PPP2R5C: variants seen among roughly 807,000 people sequenced by gnomAD.
PPP2R5C encodes the protein protein phosphatase 2 regulatory subunit B'gamma, also known as serine/threonine-protein phosphatase 2A 56 kDa regulatory subunit gamma isoform.
Under a neutral mutation model 68.9 loss-of-function variants are expected in PPP2R5C, and 7 were observed. The ratio of observed to expected loss-of-function variants is 0.10; its 90% CI spans 0.06 to 0.19. The LOEUF is 0.19. PPP2R5C is among the 10% of genes least tolerant of loss of function. PPP2R5C has a pLI of 1.00. For missense variants in PPP2R5C, 348 were observed against 641.3 expected, an observed-to-expected ratio of 0.54 and a Z score of 4.94; for synonymous variants, 210 against 222.2, an observed-to-expected ratio of 0.95 and a Z score of 0.49.
chr14:101,876,742 A>C (rs2043806315), intron 2 of PPP2R5C, among the ~76,000 whole-genome samples: 1 of 152,208 alleles, frequency 6.6e-6, no homozygotes, highest in Non-Finnish European at 1.5e-5. Flanking sequence ...GGCCGTGTGA[A>C]TCACATGCAG....
intron 2 of PPP2R5C, 114 bp downstream of exon 2, chr14:101,763,084 T>A (rs1396458666): frequency 2.2e-6 from 2 of 905,160 alleles, no homozygotes; most frequent in Middle Eastern, 2.2e-4. Context: ...ATGTGAGGTT[T>A]TTTTTTTGTG....
At chr14:101,766,150 C>G (rs1310643794) in intron 2 of PPP2R5C, 2 of 152,208 alleles carry the variant, frequency 1.3e-5, no homozygotes. Context: ...TCCTGCCTGT[C>G]TAGTCTTCAG....
At chr14:101,813,008 C>T (rs540073421) in intron 1 of PPP2R5C, among the ~76,000 whole-genome samples, 1 of 152,168 alleles carries the variant, frequency 6.6e-6, no homozygotes, top group Non-Finnish European at 1.5e-5. Context: ...AGGAGAGTCA[C>T]CTGGAACTTG....
intron 2 of PPP2R5C, among the ~76,000 whole-genome samples, chr14:101,858,861 G>A (rs143000206): frequency 2.6e-5 from 4 of 152,254 alleles, no homozygotes; most frequent in African/African-American, 4.8e-5. Context: ...GTGTGCTCCC[G>A]ACTGCTTGAA....
At chr14:101,898,606 G>A (rs570917569) in intron 8 of PPP2R5C, among the ~76,000 whole-genome samples, 12 of 152,244 alleles carry the variant, frequency 7.9e-5, no homozygotes, top group East Asian at 1.9e-4. Flanking sequence ...GGGTCCTTCC[G>A]GCGTAAATGT....
intron 2 of PPP2R5C, among the ~76,000 whole-genome samples, chr14:101,775,039 C>T (rs538926194): frequency 9.1e-4 from 139 of 152,298 alleles, no homozygotes; most frequent in East Asian, 4.2e-3. Flanking sequence ...GCTTCCCAGC[C>T]GCGGCCTACT....
Position 101,920,369 on chromosome 14 carries a change from G to A in PPP2R5C, c.1443+2422G>A, listed in dbSNP as rs116165409. Reference sequence around the variant, plus strand: ...AGGAACCAGTCCTATGGCCATCCACGTGTCTACTTGTAAATACACACACAG... The same window carrying A: ...AGGAACCAGTCCTATGGCCATCCACATGTCTACTTGTAAATACACACACAG... On this transcript the variant is annotated intron_variant, in intron 13 of 13. Transcript: ENST00000334743. 2.1e-3 allele frequency among the ~76,000 whole-genome samples: 314 copies of A among 152,316 alleles called. 1 individual carries two copies. Among genetic ancestry groups the A allele is most frequent in the African/African-American group, 7.3e-3 (304 of 41,560 alleles).
chr14:101,874,586 AT>A (rs1706500312), intron 2 of PPP2R5C, among the ~76,000 whole-genome samples: 1 of 152,248 alleles, frequency 6.6e-6, no homozygotes, highest in Admixed American at 6.5e-5. Context: ...AACTCAAAAA[AT>A]ATAAACTCAT....
intron 2 of PPP2R5C, among the ~76,000 whole-genome samples, chr14:101,768,020 T>G (rs74908467): frequency 0.015 from 2,216 of 152,312 alleles, 145 homozygotes; most frequent in Admixed American, 0.12. Flanking sequence ...AACACTTGAC[T>G]GTGGGGCAAG....
chr14:101,894,468 T>G (rs1180185941), intron 7 of PPP2R5C, 39 bp from the exon 10 acceptor site: 1 of 1,592,398 alleles, frequency 6.3e-7, no homozygotes. Context: ...AGCATTTTTA[T>G]GTTGAAATGT....
At chr14:101,850,577 T>G (rs1258638495) in intron 1 of PPP2R5C, among the ~76,000 whole-genome samples, 1 of 152,082 alleles carries the variant, frequency 6.6e-6, no homozygotes, top group African/African-American at 2.4e-5. Context: ...ATGGGAAATA[T>G]AAAGGGCCAT....
In PPP2R5C at chr14:101,925,131, C is replaced by G. The variant is rs199683769; in HGVS notation, c.1444-10C>G. On this transcript the variant is annotated splice_polypyrimidine_tract_variant and intron_variant, in intron 13 of 13. Transcript: ENST00000334743. ...GTTTGTAGCCAACGCCATTGCATTTCTAATTCCAGGCACAGAAAGATCCGA... is the reference window on the plus strand; with the variant it reads ...GTTTGTAGCCAACGCCATTGCATTTGTAATTCCAGGCACAGAAAGATCCGA... 2.2e-4 allele frequency: 362 copies of G among 1,613,848 alleles called. No individual in the cohort carries two copies. Among genetic ancestry groups the G allele is most frequent in the Admixed American group, 7.8e-4 (47 of 59,974 alleles).
chr14:101,777,640 A>G (rs2037491306), intron 2 of PPP2R5C, among the ~76,000 whole-genome samples: 1 of 152,164 alleles, frequency 6.6e-6, no homozygotes, highest in Non-Finnish European at 1.5e-5. Flanking sequence ...TTGAGCCACC[A>G]TACCTGGCTT....
At chr14:101,893,893 G>A (rs2045129831) in intron 7 of PPP2R5C, among the ~76,000 whole-genome samples, 1 of 152,232 alleles carries the variant, frequency 6.6e-6, no homozygotes, top group South Asian at 2.1e-4. Flanking sequence ...CTCTTTGGCT[G>A]CAGTGGGCGT....
At chr14:101,761,367 G>A (rs2036514527), upstream of PPP2R5C, among the ~76,000 whole-genome samples, 1 of 152,004 alleles carries the variant, frequency 6.6e-6, no homozygotes, top group African/African-American at 2.4e-5. Flanking sequence ...GCAGCCACAT[G>A]CTCCCTCCCC....
chr14:101,865,036 T>C lies in PPP2R5C; in HGVS notation c.294+8151T>C, dbSNP rs1396076824. ...AAGAAGGTAGAAACACGATTCGGGG[T>C]GGATTTGTTTGAGATTCCTGGGGAG... On this transcript the variant is annotated intron_variant, in intron 2 of 13. Coordinates refer to ENST00000334743, the Ensembl canonical transcript of PPP2R5C. Among the ~76,000 whole-genome samples the C allele has an allele frequency of 4.6e-5, 7 of 151,606 alleles. No homozygotes were observed. The East Asian group carries it at 1.2e-3, about 25-fold the overall frequency.
intron 2 of PPP2R5C, among the ~76,000 whole-genome samples, chr14:101,867,517 C>T (rs111453025): frequency 0.056 from 8,543 of 152,234 alleles, 669 homozygotes; most frequent in African/African-American, 0.17. Context: ...GTAGCTCATG[C>T]CTGTAATCCC....
intron 2 of PPP2R5C, among the ~76,000 whole-genome samples, chr14:101,776,023 C>CA (rs2037399748): frequency 7.8e-6 from 1 of 128,754 alleles, no homozygotes; most frequent in African/African-American, 2.9e-5. Flanking sequence ...TCAGATTGTG[C>CA]CCCCCCCCCA....
At position 101,786,894 on chromosome 14, in the gene PPP2R5C, T is replaced by TA. The variant is rs139541544; in HGVS notation, c.259+715dup. Among the ~76,000 whole-genome samples, 9 of 152,298 alleles carry TA rather than the reference T, an allele frequency of 5.9e-5. No homozygotes were observed. The East Asian group carries it at 1.7e-3, about 29-fold the overall frequency. ...TAAAATATAAGACAGATATACTAAA[T>TA]AAAATAACATTTTTCATACCTTAAA... On this transcript the variant is annotated intron_variant, in intron 3 of 14. Transcript: ENST00000328724.
Sources: gnomAD v4.1 joint callset for allele counts (sites outside exome capture counted in the v4.1 genomes callset) on GRCh38, gnomAD v4.1.1 for gene constraint, MANE v1.5 for transcripts, NCBI Gene and HGNC (gene_info 2026-07-23, HGNC 2026-07-21) for gene names.